SMG1: variants seen among roughly 807,000 people sequenced by gnomAD.
The protein encoded by SMG1 is serine/threonine-protein kinase SMG1.
Under a neutral mutation model 419.9 loss-of-function variants are expected in SMG1, and 22 were observed. The ratio of observed to expected loss-of-function variants is 0.05; its 90% CI spans 0.04 to 0.07. SMG1 has a LOEUF of 0.07. Among genes scored for constraint, SMG1 ranks in the 10% least tolerant of loss-of-function variants. The pLI, the probability that SMG1 is intolerant of heterozygous loss-of-function variation, is 1.00. For synonymous variants in SMG1, 1,538 were observed against 1,553.5 expected (o/e 0.99, Z 0.23); for missense variants, 3,185 against 4,342.0 (o/e 0.73, Z 7.49).
intron 6 of SMG1, among the ~76,000 whole-genome samples, chr16:18,887,800 C>A (rs1283675893): frequency 4.6e-4 from 29 of 63,418 alleles, no homozygotes; most frequent in Admixed American, 3.1e-3. Flanking sequence ...AAAAAAAAAA[C>A]CCTAATATCA....
rs1200901307 is a variant in SMG1, at chr16:18,868,508, C to A, written c.3030+15G>T. 6.7e-7 allele frequency: 1 copy of A among 1,488,438 alleles called. No individual in the cohort carries two copies. The allele number at this position is 1,488,438 out of a possible 1,614,324, so 92.2% of individuals were successfully genotyped here. On this transcript the variant is annotated intron_variant, in intron 21 of 62. Coordinates refer to ENST00000446231, the MANE Select transcript of SMG1 (RefSeq NM_015092.5). ...TTAAACTGCTATAAAACAACACTATCTCATGGAAACCAACCTTGGGAGGTG... is the reference window on the plus strand; with the variant it reads ...TTAAACTGCTATAAAACAACACTATATCATGGAAACCAACCTTGGGAGGTG...
intron 40 of SMG1, 29 bp downstream of exon 40, chr16:18,842,179 T>C (rs1412379849): frequency 5.0e-6 from 8 of 1,589,424 alleles, no homozygotes; most frequent in Middle Eastern, 1.7e-4. Context: ...AATACTCTTC[T>C]GAAAAATGGA....
intron 48 of SMG1, 21 bp from the exon 49 acceptor site, chr16:18,835,185 T>G: frequency 1.3e-6 from 2 of 1,593,286 alleles, no homozygotes; most frequent in South Asian, 2.2e-5. Flanking sequence ...AAGGAAGAGG[T>G]GCTTGTTTAT....
intron 1 of SMG1, among the ~76,000 whole-genome samples, chr16:18,921,585 C>T (rs536363370): frequency 4.7e-4 from 71 of 152,054 alleles, no homozygotes; most frequent in Non-Finnish European, 8.7e-4. Flanking sequence ...AAAGTAATTG[C>T]GGTTTTTGCC....
intron 3 of SMG1, among the ~76,000 whole-genome samples, chr16:18,893,640 C>G (rs2036983899): frequency 6.6e-6 from 1 of 151,352 alleles, no homozygotes; most frequent in South Asian, 2.1e-4. Flanking sequence ...AAAAAAAAAC[C>G]TCAATTTTTG....
chr16:18,857,853 G>A (rs972630555), intron 29 of SMG1: 2 of 174,350 alleles, frequency 1.1e-5, no homozygotes, highest in Non-Finnish European at 2.4e-5. Flanking sequence ...ATCATGTTGA[G>A]CAAGAGAAGC....
chr16:18,915,806 C>A (rs914572071), intron 1 of SMG1, among the ~76,000 whole-genome samples: 2 of 152,048 alleles, frequency 1.3e-5, no homozygotes, highest in African/African-American at 4.8e-5. Flanking sequence ...TGGTGGCTCA[C>A]GCCTGTAATC....
At chr16:18,909,209 G>A (rs529652865) in intron 1 of SMG1, among the ~76,000 whole-genome samples, 16 of 151,892 alleles carry the variant, frequency 1.1e-4, no homozygotes, top group Admixed American at 9.8e-4. Flanking sequence ...AGGTGTGGTG[G>A]TGCATGCCTG....
chr16:18,836,526 A>C lies in SMG1; in HGVS notation c.7611T>G (p.Ser2537=), dbSNP rs777281376. 13 of 1,612,410 alleles carry C rather than the reference A, an allele frequency of 8.1e-6. No individual in the cohort carries two copies. Among genetic ancestry groups the C allele is most frequent in the Non-Finnish European group, 1.1e-5 (13 of 1,179,540 alleles). Residue 2537 remains serine, a synonymous_variant, in exon 47 of 63, where the codon TCT becomes TCG. Coordinates refer to ENST00000446231, the MANE Select transcript of SMG1 (RefSeq NM_015092.5). ...HPSHTLQHRY[S]EHTQLQTQQR... ...GCTGAGTCTGTAGTTGGGTGTGCTC[A>C]GAATACCTAATCAGGGGGACACAAA...
intron 33 of SMG1, among the ~76,000 whole-genome samples, chr16:18,850,706 G>A (rs974513193): frequency 3.9e-5 from 6 of 152,090 alleles, no homozygotes; most frequent in Non-Finnish European, 8.8e-5. Context: ...CTGGGGTTTC[G>A]TTGTACTTTA....
chr16:18,863,533 T>C, intron 25 of SMG1, 117 bp downstream of exon 25: 1 of 915,972 alleles, frequency 1.1e-6, no homozygotes, highest in Admixed American at 1.9e-5. Flanking sequence ...TGGCAGTAAG[T>C]TAGATATATA....
chr16:18,894,697 A>G, intron 3 of SMG1, among the ~76,000 whole-genome samples: 1 of 147,910 alleles, frequency 6.8e-6, no homozygotes, highest in East Asian at 1.9e-4. Context: ...AAAAAAAAAA[A>G]GTCAAAAACT....
Position 18,811,756 on chromosome 16 carries a change from G to A in SMG1, c.10908+5C>T, listed in dbSNP as rs1292283601. The A allele has an allele frequency of 6.2e-7, 1 of 1,613,104 alleles. No individual in the cohort carries two copies. The highest frequency in any genetic ancestry group is 8.5e-7 in the Non-Finnish European group (1 of 1,179,262). The stretch of plus-strand genomic sequence containing the variant: ...ATGTGTAGCCCAAGTTTAAAACACG[G>A]TCACCTGTTCAGCAACTGACATCCT... On this transcript the variant is annotated splice_donor_5th_base_variant and intron_variant, in intron 62 of 62. Transcript: ENST00000446231.
intron 13 of SMG1, 106 bp downstream of exon 13, chr16:18,876,018 C>T (rs1059680): frequency 1.6e-5 from 20 of 1,232,592 alleles, no homozygotes; most frequent in South Asian, 1.5e-4. Flanking sequence ...GTTTGTTACA[C>T]ACAGTGATTC....
At position 18,836,087 on chromosome 16, in the gene SMG1, G is replaced by A. The variant is rs184743758; in HGVS notation, c.7903C>T (p.Arg2635Cys). 9.3e-6 allele frequency: 15 copies of A among 1,608,376 alleles called. No individual in the cohort carries two copies. Among genetic ancestry groups the A allele is most frequent in the East Asian group, 2.2e-5 (1 of 44,582 alleles). Residue 2635 changes from arginine to cysteine, a missense_variant, in exon 48 of 63, where the codon CGT becomes TGT. Physicochemically the swap from Arg to Cys is radical, Grantham distance 180 (BLOSUM62 -3). Around this residue, in one of 27 missense-constraint regions of SMG1, gnomAD observed 412 missense variants for 546.6 expected, o/e 0.75. Coordinates refer to ENST00000446231, the MANE Select transcript of SMG1 (RefSeq NM_015092.5). ...ALLQQRRSVL[R>C]GCLEQLHHYA... ...TGATGCAGTTGCTCCAGACAGCCACGGAGCACGGAGCGCCTCTGCTGCAGG... is the reference window on the plus strand; with the variant it reads ...TGATGCAGTTGCTCCAGACAGCCACAGAGCACGGAGCGCCTCTGCTGCAGG...
At chr16:18,832,794 T>C in intron 51 of SMG1, 146 bp downstream of exon 51, 1 of 705,986 alleles carries the variant, frequency 1.4e-6, no homozygotes, top group South Asian at 1.9e-5. Context: ...ATAAAAAAGT[T>C]TTAAAAAGAT....
At chr16:18,884,755 T>A (rs1410680732) in intron 8 of SMG1, 4 of 215,088 alleles carry the variant, frequency 1.9e-5, no homozygotes, top group South Asian at 1.4e-4. Flanking sequence ...TTAAAAAAAT[T>A]ACCAGAAAAA....
chr16:18,916,343 G>A (rs1244812388), intron 1 of SMG1, among the ~76,000 whole-genome samples: 4 of 150,730 alleles, frequency 2.7e-5, no homozygotes, highest in African/African-American at 7.3e-5. Context: ...GTGAAACCCC[G>A]TCTCTACCAA....
chr16:18,834,030 C>T (rs961756895), intron 50 of SMG1, among the ~76,000 whole-genome samples, 174 bp downstream of exon 50: 1 of 152,122 alleles, frequency 6.6e-6, no homozygotes, highest in African/African-American at 2.4e-5. Flanking sequence ...TTCAAAAAAA[C>T]AAAGAGCAAC....
Sources: gnomAD v4.1 joint callset for allele counts (sites outside exome capture counted in the v4.1 genomes callset) on GRCh38, gnomAD v4.1.1 for gene constraint, gnomAD v4.1.1 regional missense constraint, MANE v1.5 for transcripts, NCBI Gene and HGNC (gene_info 2026-07-23, HGNC 2026-07-21) for gene names.